NEXMIF: variants seen among roughly 807,000 people sequenced by gnomAD.
The protein encoded by NEXMIF is neurite extension and migration factor, also known as XLMR protein related to neurite extension.
In NEXMIF, 8 loss-of-function variants were observed where a neutral mutation model predicts 62.1. The ratio of observed to expected loss-of-function variants is 0.13; its 90% CI spans 0.08 to 0.23. The LOEUF (loss-of-function observed/expected upper bound fraction) is 0.23, where lower values mean the gene tolerates loss of function less well. Ranked by LOEUF, NEXMIF falls within the 10% of genes least tolerant of loss-of-function variation. The pLI, the probability that NEXMIF is intolerant of heterozygous loss-of-function variation, is 1.00. For synonymous variants in NEXMIF, 404 were observed against 416.6 expected, an observed-to-expected ratio of 0.97 and a Z score of 0.37; for missense variants, 976 against 1,113.3, an observed-to-expected ratio of 0.88 and a Z score of 1.75.
chrX:74,856,167 C>T (rs755471762), intron 1 of NEXMIF, among the ~76,000 whole-genome samples: 1 of 111,763 alleles, frequency 8.9e-6, no homozygotes, highest in African/African-American at 3.3e-5. Flanking sequence ...TGAAAGAAAC[C>T]ATGTCTAAAG....
At chrX:74,814,900 G>T (rs1187443978) in intron 1 of NEXMIF, among the ~76,000 whole-genome samples, 4 of 111,797 alleles carry the variant, frequency 3.6e-5, no homozygotes, top group African/African-American at 1.3e-4. Flanking sequence ...CTGTCAGTGA[G>T]CTGCTTTGCT....
chrX:74,878,978 C>T (rs921137149), intron 1 of NEXMIF, among the ~76,000 whole-genome samples: 3 of 112,490 alleles, frequency 2.7e-5, no homozygotes, highest in African/African-American at 9.7e-5. Flanking sequence ...AGCTGTAGAC[C>T]GCAGCTGTTC....
intron 1 of NEXMIF, among the ~76,000 whole-genome samples, chrX:74,916,211 A>G (rs1329077720): frequency 2.7e-5 from 3 of 112,077 alleles, no homozygotes; most frequent in Non-Finnish European, 5.6e-5. Flanking sequence ...CCTCAGAATC[A>G]CAGGGAAACA....
chrX:74,876,550 G>A (rs1193109935), intron 1 of NEXMIF, among the ~76,000 whole-genome samples: 1 of 105,631 alleles, frequency 9.5e-6, no homozygotes, highest in African/African-American at 3.5e-5. Context: ...TATCCTTGTT[G>A]ACTTTCTGTC....
chrX:74,855,037 T>C (rs768522549), intron 1 of NEXMIF, among the ~76,000 whole-genome samples: 1 of 111,615 alleles, frequency 9.0e-6, no homozygotes, highest in Non-Finnish European at 1.9e-5. Context: ...AAAATATCAA[T>C]GTCATTTTTC....
chrX:74,831,953 G>C (rs964435472), intron 1 of NEXMIF, among the ~76,000 whole-genome samples: 24 of 112,144 alleles, frequency 2.1e-4, no homozygotes, highest in Admixed American at 1.2e-3. Context: ...GTATCCCTGG[G>C]ATAAATCCCA....
chrX:74,747,451 A>G (rs1234785924), intron 1 of NEXMIF, among the ~76,000 whole-genome samples: 2 of 110,611 alleles, frequency 1.8e-5, no homozygotes, highest in Non-Finnish European at 3.8e-5. Context: ...ATTCTTACCA[A>G]CTCCAACCCC....
At chrX:74,822,179 A>G (rs904605320) in intron 1 of NEXMIF, among the ~76,000 whole-genome samples, 1 of 111,874 alleles carries the variant, frequency 8.9e-6, no homozygotes, top group Admixed American at 9.5e-5. Context: ...CACCATACTT[A>G]AAAATTAACA....
In NEXMIF at chrX:74,743,230, T is replaced by C; in HGVS notation, c.1327A>G (p.Ser443Gly). The change falls in exon 3 of 4, where the codon AGT becomes GGT. Residue 443 changes from serine to glycine, a missense_variant. By Grantham distance (56) the Ser-to-Gly change is moderately conservative (BLOSUM62 0). Transcript: ENST00000055682. ...TCATATGAGATCTCAATGAAGGAAC[T>C]ATCATCACTGAAACTCCCTGATGTC... ...LETSGSFSDD[S>G]SFIEISYDAM... 1.7e-6 allele frequency: 2 copies of C among 1,211,422 alleles called. No individual in the cohort carries two copies. The highest frequency in any genetic ancestry group is 1.7e-5 in the African/African-American group (1 of 57,820).
intron 1 of NEXMIF, among the ~76,000 whole-genome samples, chrX:74,795,036 T>G (rs1165229956): frequency 8.9e-6 from 1 of 112,020 alleles, no homozygotes; most frequent in Non-Finnish European, 1.9e-5. Flanking sequence ...CCACATGGAA[T>G]ATGGTGTGAG....
intron 1 of NEXMIF, among the ~76,000 whole-genome samples, chrX:74,876,517 C>A (rs764443829): frequency 6.5e-5 from 7 of 108,467 alleles, no homozygotes; most frequent in Non-Finnish European, 9.5e-5. Context: ...TCGCTTGGTG[C>A]AGAGCTGAGT....
intron 1 of NEXMIF, among the ~76,000 whole-genome samples, chrX:74,764,426 ACT>A: frequency 9.0e-6 from 1 of 110,980 alleles, no homozygotes; most frequent in Admixed American, 9.6e-5. Flanking sequence ...GGTCTAAAAT[ACT>A]CTTTTTTTGT....
chrX:74,885,499 T>G (rs1406737089), intron 1 of NEXMIF, among the ~76,000 whole-genome samples: 2 of 111,471 alleles, frequency 1.8e-5, no homozygotes, highest in African/African-American at 6.5e-5. Context: ...CAAACTACCA[T>G]CAGAGAATAC....
Position 74,743,080 on chromosome X carries a change from G to C in NEXMIF, c.1477C>G (p.Leu493Val). Residue 493 changes from leucine (L) to valine (V), a missense_variant, in exon 3 of 4, where the codon CTA (leucine) becomes GTA (valine). Physicochemically the swap from Leu to Val is conservative, Grantham distance 32 (BLOSUM62 1). Around this residue, in one of 5 missense-constraint regions of NEXMIF, gnomAD observed 639 missense variants for 694.5 expected, o/e 0.92. Transcript: ENST00000055682. Reference protein sequence around the residue: ...KRKVRYSEDYLYDVDSLEGEK... With the variant: ...KRKVRYSEDYVYDVDSLEGEK... ...CCCTCTAGTGAGTCAACATCATATA[G>C]ATAATCTTCACTGTATCTGACTTTT... 8.3e-7 allele frequency: 1 copy of C among 1,209,944 alleles called. No homozygotes were observed. The highest frequency in any genetic ancestry group is 1.1e-6 in the Non-Finnish European group (1 of 894,491).
At chrX:74,770,912 A>C (rs1169118362) in intron 1 of NEXMIF, among the ~76,000 whole-genome samples, 1 of 112,018 alleles carries the variant, frequency 8.9e-6, no homozygotes, top group South Asian at 3.7e-4. Context: ...ATTCTCTGCA[A>C]CCTTTTTAAT....
chrX:74,809,767 A>C (rs1265486115), intron 1 of NEXMIF, among the ~76,000 whole-genome samples: 3 of 111,761 alleles, frequency 2.7e-5, no homozygotes, highest in Non-Finnish European at 5.6e-5. Flanking sequence ...CCATACCCAG[A>C]GTACTTGGGT....
chrX:74,770,001 T>C (rs2080205208), intron 1 of NEXMIF, among the ~76,000 whole-genome samples: 1 of 111,685 alleles, frequency 9.0e-6, no homozygotes, highest in African/African-American at 3.3e-5. Context: ...GCAGGAGAAA[T>C]TGTGTAGGGA....
chrX:74,831,544 T>G (rs1033825669), intron 1 of NEXMIF, among the ~76,000 whole-genome samples: 1 of 110,593 alleles, frequency 9.0e-6, no homozygotes, highest in African/African-American at 3.3e-5. Flanking sequence ...TATGGCTGCA[T>G]AGTATTCCAT....
rs1023100677 is a variant in NEXMIF, at chrX:74,761,251, T to A, written c.-47-15554A>T. Among the ~76,000 whole-genome samples the A allele has an allele frequency of 5.4e-5, 6 of 111,327 alleles. No individual in the cohort carries two copies. In the Admixed American group the frequency reaches 5.8e-4, roughly 11 times the overall value. On this transcript the variant is annotated intron_variant, in intron 1 of 3. Coordinates refer to ENST00000055682, the MANE Select transcript of NEXMIF (RefSeq NM_001008537.3). ...CCTCATAGAATGAGTTAGAGAGGTG[T>A]CTCTCCCCCTCAATTTTTTGGAATA...
Sources: gnomAD v4.1 joint callset for allele counts (sites outside exome capture counted in the v4.1 genomes callset) on GRCh38, gnomAD v4.1.1 for gene constraint, gnomAD v4.1.1 regional missense constraint, MANE v1.5 for transcripts, NCBI Gene and HGNC (gene_info 2026-07-23, HGNC 2026-07-21) for gene names.